USP19: variants seen among roughly 807,000 people sequenced by gnomAD.
USP19 encodes ubiquitin carboxyl-terminal hydrolase 19.
Under a neutral mutation model 144.8 loss-of-function variants are expected in USP19, and 40 were observed. The ratio of observed to expected loss-of-function variants is 0.28; its 90% CI spans 0.21 to 0.36. The LOEUF (loss-of-function observed/expected upper bound fraction) is 0.36. Among genes scored for constraint, USP19 ranks in the 10% least tolerant of loss-of-function variants. The pLI, the probability that USP19 is intolerant of heterozygous loss-of-function variation, is 1.00. For missense variants in USP19, 1,518 were observed against 1,822.5 expected, an observed-to-expected ratio of 0.83 and a Z score of 3.04; for synonymous variants, 701 against 709.3, an observed-to-expected ratio of 0.99 and a Z score of 0.19.
Position 49,116,128 on chromosome 3 carries a change from A to G in USP19, c.1390T>C (p.Phe464Leu). 6.2e-7 allele frequency: 1 copy of G among 1,613,602 alleles called. No homozygotes were observed. Among genetic ancestry groups the G allele is most frequent in the Non-Finnish European group, 8.5e-7 (1 of 1,179,886 alleles). ...LIEPEQCTFC[F>L]TASRIDICLR... ...CAGATGTCGATGCGAGAAGCCGTGA[A>G]ACAGAAGGTGCACTGCTCTGGCTCA... The change falls in exon 10 of 27, where the codon TTC (phenylalanine) becomes CTC (leucine). Residue 464 changes from phenylalanine to leucine, a missense_variant. Coordinates refer to ENST00000417901, the MANE Select transcript of USP19 (RefSeq NM_001199161.2). This position sits in a 1 kb window ranked among gnomAD's most constrained non-coding sequence, Gnocchi z 5.0.
chr3:49,115,365 G>A lies in USP19; in HGVS notation c.1889-4C>T. On this transcript the variant is annotated splice_polypyrimidine_tract_variant and splice_region_variant and intron_variant, in intron 12 of 26. Coordinates refer to ENST00000417901, the MANE Select transcript of USP19 (RefSeq NM_001199161.2). The surrounding 1 kb of genome is among the most constrained non-coding windows in gnomAD (Gnocchi z 6.6). ...ATCTCAGCCTCAAAGGAGCGGTCTA[G>A]GAATAGTAGCCGAGCAAAGGTGTGA... 1 of 1,614,096 alleles carries A rather than the reference G, an allele frequency of 6.2e-7. No individual in the cohort carries two copies. Among genetic ancestry groups the A allele is most frequent in the South Asian group, 1.1e-5 (1 of 91,080 alleles).
Position 49,110,637 on chromosome 3 carries a change from A to G in USP19, c.3699-33T>C, listed in dbSNP as rs2043002534. 1 of 1,611,730 alleles carries G rather than the reference A, an allele frequency of 6.2e-7. No homozygotes were observed. On this transcript the variant is annotated intron_variant, in intron 24 of 26. Transcript: ENST00000417901. The surrounding 1 kb of genome is among the most constrained non-coding windows in gnomAD (Gnocchi z 6.1). ...TCAGGTCCAGTCAGGGAGGGGTGAG[A>G]CAGGCAACAGGCGCTCAGGATGCCC...
In USP19 at chr3:49,108,787, T is replaced by C; in HGVS notation, c.4039-259A>G. ...CAGGATGAATGGACAGACAGCCAGATGGATACACACCCTAGGATACTCTGC... is the reference window on the plus strand; with the variant it reads ...CAGGATGAATGGACAGACAGCCAGACGGATACACACCCTAGGATACTCTGC... On this transcript the variant is annotated intron_variant, in intron 26 of 26. Transcript: ENST00000417901. The surrounding 1 kb of genome is among the most constrained non-coding windows in gnomAD (Gnocchi z 4.8). 2 of 1,415,418 alleles carry C rather than the reference T, an allele frequency of 1.4e-6. No homozygotes were observed. Among genetic ancestry groups the C allele is most frequent in the Non-Finnish European group, 9.2e-7 (1 of 1,088,020 alleles). 87.7% of individuals were successfully genotyped at this position (1,415,418 alleles called of 1,614,324 possible).
intron 1 of USP19, 149 bp downstream of exon 1, chr3:49,120,607 C>G (rs1418862123): frequency 6.5e-6 from 1 of 154,344 alleles, no homozygotes; most frequent in African/African-American, 2.4e-5. Flanking sequence ...CATAGCGTAA[C>G]GGCCCTGCCG....
In USP19 at chr3:49,115,755, A is replaced by T; in HGVS notation, c.1661T>A (p.Val554Glu). The T allele has an allele frequency of 6.2e-7, 1 of 1,612,790 alleles. No homozygotes were observed. The highest frequency in any genetic ancestry group is 1.7e-4 in the Middle Eastern group (1 of 6,056). ...CAGGTGTGTCTCTGGCTTTGGGGTT[A>T]CATGCTCCATGGGTGTGCGGGTTGC... ...SVATRTPMEH[V>E]TPKPETHLAS... Residue 554 changes from valine (V) to glutamate (E), a missense_variant, in exon 11 of 27, where the codon GTA (valine) becomes GAA (glutamate). Physicochemically the swap from Val to Glu is moderately radical, Grantham distance 121. Transcript: ENST00000417901. This position sits in a 1 kb window ranked among gnomAD's most constrained non-coding sequence, Gnocchi z 6.6.
In USP19 at chr3:49,119,021, C is replaced by T; in HGVS notation, c.124+1G>A. The T allele has an allele frequency of 1.2e-6, 2 of 1,613,960 alleles. No homozygotes were observed. The highest frequency in any genetic ancestry group is 1.7e-6 in the Non-Finnish European group (2 of 1,179,908). ...AATTACTCTGGGAATGCCACTCCCA[C>T]CTTTCCTAGGATCTCCATCCTTGCT... On this transcript the variant is annotated splice_donor_variant, in intron 2 of 26. Transcript: ENST00000417901. LOFTEE classifies it high-confidence loss of function.
chr3:49,110,379 A>G lies in USP19; in HGVS notation c.3860-17T>C. The stretch of plus-strand genomic sequence containing the variant: ...AGCGCCAGCCTACAGCAGGGTGGGA[A>G]GAGTGTGAACAAAGTCTGCACCACC... On this transcript the variant is annotated splice_polypyrimidine_tract_variant and intron_variant, in intron 25 of 26. Coordinates refer to ENST00000417901, the MANE Select transcript of USP19 (RefSeq NM_001199161.2). The surrounding 1 kb of genome is among the most constrained non-coding windows in gnomAD (Gnocchi z 6.1). The G allele has an allele frequency of 6.3e-7, 1 of 1,598,512 alleles. No homozygotes were observed. The highest frequency in any genetic ancestry group is 1.3e-5 in the African/African-American group (1 of 74,848).
At chr3:49,113,964 G>C in intron 17 of USP19, 28 bp downstream of exon 17, 1 of 1,604,542 alleles carries the variant, frequency 6.2e-7, no homozygotes, top group Non-Finnish European at 8.5e-7. Context: ...ATCCACACAT[G>C]TGATAGCCCA....
Position 49,112,625 on chromosome 3 carries a change from A to G in USP19, c.2510T>C (p.Ile837Thr), listed in dbSNP as rs377685319. ...KPENLRLAEVIKNRFHRVFLP... is the reference protein window; with the variant it reads ...KPENLRLAEVTKNRFHRVFLP... ...GAACACACGATGAAAACGATTCTTA[A>G]TTACCTGGGGACAGAGAACACACAG... The change falls in exon 18 of 27, where the codon ATT becomes ACT. Residue 837 changes from isoleucine to threonine, a missense_variant. By Grantham distance (89) the Ile-to-Thr change is moderately conservative. Around this residue, in one of 5 missense-constraint regions of USP19, gnomAD observed 413 missense variants for 515.8 expected, o/e 0.80. Transcript: ENST00000417901. This position sits in a 1 kb window ranked among gnomAD's most constrained non-coding sequence, Gnocchi z 4.9. 40 of 1,612,682 alleles carry G rather than the reference A, an allele frequency of 2.5e-5. No homozygotes were observed. In the African/African-American group the frequency reaches 5.1e-4, roughly 20 times the overall value.
In USP19 at chr3:49,108,993, A is replaced by C. The variant is rs371837421; in HGVS notation, c.4039-465T>G. On this transcript the variant is annotated intron_variant, in intron 26 of 26. Coordinates refer to ENST00000417901, the MANE Select transcript of USP19 (RefSeq NM_001199161.2). This position sits in a 1 kb window ranked among gnomAD's most constrained non-coding sequence, Gnocchi z 4.8. The stretch of plus-strand genomic sequence containing the variant: ...CGACTCTGGGATACCAGAGGATAGA[A>C]CACGTTGAGCACGAGGGCCACCAAA... 10 of 1,613,526 alleles carry C rather than the reference A, an allele frequency of 6.2e-6. No individual in the cohort carries two copies. Among genetic ancestry groups the C allele is most frequent in the Non-Finnish European group, 8.5e-6 (10 of 1,179,862 alleles).
chr3:49,114,215 C>G lies in USP19; in HGVS notation c.2362G>C (p.Val788Leu), dbSNP rs1575460484. Residue 788 changes from valine to leucine, a missense_variant, in exon 16 of 27, where the codon GTC becomes CTC. By Grantham distance (32) the Val-to-Leu change is conservative (BLOSUM62 1). This residue lies in a region of USP19 where 413 missense variants were observed against 515.8 expected (regional missense o/e 0.80). Coordinates refer to ENST00000417901, the MANE Select transcript of USP19 (RefSeq NM_001199161.2). This position sits in a 1 kb window ranked among gnomAD's most constrained non-coding sequence, Gnocchi z 4.5. ...TGGGGCTCTCGGGCAAAATAAAAGA[C>G]AGGGAGAACCTTTTGCTTTTGTGGC... is the stretch of plus-strand genomic sequence containing the variant. ...PLPQKQKVLP[V>L]FYFAREPHSK... The G allele has an allele frequency of 6.2e-7, 1 of 1,614,226 alleles. No individual in the cohort carries two copies. Among genetic ancestry groups the G allele is most frequent in the Non-Finnish European group, 8.5e-7 (1 of 1,180,050 alleles).
chr3:49,120,779 C>T lies in USP19; in HGVS notation c.-160G>A, dbSNP rs887167035. 5.8e-5 allele frequency: 14 copies of T among 240,816 alleles called. No individual in the cohort carries two copies. The highest frequency in any genetic ancestry group is 2.8e-4 in the South Asian group (6 of 21,516). The allele number at this position is 240,816 out of a possible 1,614,324, so 14.9% of individuals were successfully genotyped here. A position where few individuals can be genotyped will look rare whatever the true frequency, so the allele number is the denominator to read the frequency against. On this transcript the variant is annotated 5_prime_UTR_variant, in exon 1 of 27. Coordinates refer to ENST00000417901, the MANE Select transcript of USP19 (RefSeq NM_001199161.2). ...ACCGAGCGAGACCGCCGCAGCCAGC[C>T]CTCTTCGGGCCCTGGCAACCCGCTC...
rs1057519452 is a variant in USP19, at chr3:49,115,756, C to T, written c.1660G>A (p.Val554Ile). Residue 554 changes from valine to isoleucine, a missense_variant, in exon 11 of 27, where the codon GTA becomes ATA. Val to Ile is a conservative substitution (Grantham distance 29). Coordinates refer to ENST00000417901, the MANE Select transcript of USP19 (RefSeq NM_001199161.2). The surrounding 1 kb of genome is among the most constrained non-coding windows in gnomAD (Gnocchi z 6.6). ...SVATRTPMEHVTPKPETHLAS... is the reference protein window; with the variant it reads ...SVATRTPMEHITPKPETHLAS... The stretch of plus-strand genomic sequence containing the variant: ...AGGTGTGTCTCTGGCTTTGGGGTTA[C>T]ATGCTCCATGGGTGTGCGGGTTGCC... The T allele has an allele frequency of 1.2e-6, 2 of 1,612,752 alleles. No individual in the cohort carries two copies. Among genetic ancestry groups the T allele is most frequent in the South Asian group, 2.2e-5 (2 of 91,006 alleles).
chr3:49,113,987 G>A lies in USP19; in HGVS notation c.2505+5C>T. 2 of 1,614,010 alleles carry A rather than the reference G, an allele frequency of 1.2e-6. No individual in the cohort carries two copies. Among genetic ancestry groups the A allele is most frequent in the South Asian group, 2.2e-5 (2 of 91,070 alleles). On this transcript the variant is annotated splice_donor_5th_base_variant and intron_variant, in intron 17 of 26. Coordinates refer to ENST00000417901, the MANE Select transcript of USP19 (RefSeq NM_001199161.2). ...ATGTGATAGCCCAAGGAAGGACAAA[G>A]ATACCTCCGCCAAACGCAGGTTCTC...
rs975855608 is a variant in USP19, at chr3:49,117,773, T to C, written c.356A>G (p.Asp119Gly). 1.4e-5 allele frequency: 23 copies of C among 1,614,018 alleles called. No individual in the cohort carries two copies. Among genetic ancestry groups the C allele is most frequent in the Non-Finnish European group, 1.9e-5 (23 of 1,180,034 alleles). Residue 119 changes from aspartate (D) to glycine (G), a missense_variant, in exon 4 of 27, where the codon GAT (aspartate) becomes GGT (glycine). This residue lies in a region of USP19 where 707 missense variants were observed against 728.9 expected (regional missense o/e 0.97). Transcript: ENST00000417901. The surrounding 1 kb of genome is among the most constrained non-coding windows in gnomAD (Gnocchi z 4.4). The stretch of plus-strand genomic sequence containing the variant: ...CACCTCTTCTGCACTCTGCCTCCAA[T>C]CGAGCAACAACTCTGGAGTGGGAGT... ...LATPTPELLLDWRQSAEEVIV... is the reference protein window; with the variant it reads ...LATPTPELLLGWRQSAEEVIV...
rs367654863 is a variant in USP19, at chr3:49,110,322, G to A, written c.3900C>T (p.Asp1300=). Residue 1300 remains aspartate, a synonymous_variant, in exon 26 of 27, where the codon GAC becomes GAT. Coordinates refer to ENST00000417901, the MANE Select transcript of USP19 (RefSeq NM_001199161.2). This position sits in a 1 kb window ranked among gnomAD's most constrained non-coding sequence, Gnocchi z 6.1. ...LFDDSTVTTV[D]ESQVVTRYAY... ...CATAACGCGTCACAACCTGGCTCTC[G>A]TCTACCGTTGTCACTGTGCTGTCAT... 8 of 1,601,874 alleles carry A rather than the reference G, an allele frequency of 5.0e-6. No individual in the cohort carries two copies. The highest frequency in any genetic ancestry group is 1.7e-5 in the Admixed American group (1 of 58,918).
intron 17 of USP19, among the ~76,000 whole-genome samples, chr3:49,113,289 A>ATTTTG (rs1203885481): frequency 6.6e-6 from 1 of 151,976 alleles, no homozygotes; most frequent in Non-Finnish European, 1.5e-5. Flanking sequence ...ATTTTATTTT[A>ATTTTG]TTTTTGAGAC....
In USP19 at chr3:49,110,765, AAGG is replaced by A; in HGVS notation, c.3641_3643del (p.Ser1214del). The A allele has an allele frequency of 6.2e-7, 1 of 1,614,148 alleles. No homozygotes were observed. Among genetic ancestry groups the A allele is most frequent in the Non-Finnish European group, 8.5e-7 (1 of 1,180,028 alleles). ...CTTGTCACGCCAGATAAAACTACGA[AAGG>A]AGAAGCGCTTGAGCTGCACGATGAG... On this transcript the variant is annotated inframe_deletion, in exon 24 of 27. Transcript: ENST00000417901. This position sits in a 1 kb window ranked among gnomAD's most constrained non-coding sequence, Gnocchi z 6.1.
Position 49,116,717 on chromosome 3 carries a change from C to G in USP19, c.1126+10G>C. 6.2e-7 allele frequency: 1 copy of G among 1,608,856 alleles called. No individual in the cohort carries two copies. The highest frequency in any genetic ancestry group is 8.5e-7 in the Non-Finnish European group (1 of 1,176,766). ...AACCTAGGGCTCTGCCTGCCCACCC[C>G]CACCTTTACCATCCACCAAGGTTGC... On this transcript the variant is annotated intron_variant, in intron 7 of 26. Coordinates refer to ENST00000417901, the MANE Select transcript of USP19 (RefSeq NM_001199161.2). The surrounding 1 kb of genome is among the most constrained non-coding windows in gnomAD (Gnocchi z 5.0).
Sources: allele counts gnomAD v4.1 joint callset (sites outside exome capture counted in the v4.1 genomes callset), GRCh38; gene constraint gnomAD v4.1.1; regional missense constraint gnomAD v4.1.1; non-coding constraint Gnocchi (gnomAD v3.1); transcripts MANE v1.5; gene names NCBI Gene and HGNC (gene_info 2026-07-23, HGNC 2026-07-21).